Variants in DNASE1L1 observed in about 807,000 individuals in gnomAD.
The protein encoded by DNASE1L1 is deoxyribonuclease-1-like 1.
In DNASE1L1, 8 loss-of-function variants were observed where a neutral mutation model predicts 18.6. The ratio of observed to expected loss-of-function variants is 0.43; its 90% CI spans 0.25 to 0.78. The LOEUF is 0.78. DNASE1L1 is among the 30% of genes least tolerant of loss of function. The pLI is 0.23. For missense variants in DNASE1L1, 214 were observed against 258.2 expected, an observed-to-expected ratio of 0.83 and a Z score of 1.17; for synonymous variants, 114 against 114.2, an observed-to-expected ratio of 1.00 and a Z score of 0.01.
chrX:154,404,848 C>T lies in DNASE1L1; in HGVS notation c.291G>A (p.Glu97=). The part of the protein sequence containing the change: ...SPQLGRSTYM[E]TYVYFYRSHK... Reference sequence around the variant, plus strand: ...CTCACCGATAGAAGTACACATACGTCTCCATGTAGGTGCTGCGCCCCAGCT... The same window carrying T: ...CTCACCGATAGAAGTACACATACGTTTCCATGTAGGTGCTGCGCCCCAGCT... Residue 97 remains glutamate (E), a synonymous_variant, in exon 4 of 8, where the codon GAG becomes GAA. Coordinates refer to ENST00000369807, the MANE Select transcript of DNASE1L1 (RefSeq NM_001303620.2). 1 of 1,211,578 alleles carries T rather than the reference C, an allele frequency of 8.3e-7. No individual in the cohort carries two copies. Among genetic ancestry groups the T allele is most frequent in the Admixed American group, 2.2e-5 (1 of 46,056 alleles).
In DNASE1L1 at chrX:154,403,455, C is replaced by A. The variant is rs782443173; in HGVS notation, c.412+67G>T. On this transcript the variant is annotated intron_variant, in intron 5 of 7. Transcript: ENST00000369807. The stretch of plus-strand genomic sequence containing the variant: ...CCCCTAGCCCGTCTGGGTGAGGAAG[C>A]CCCCAGTGGAGCCAGCCAGAACTCC... The A allele has an allele frequency of 4.2e-6, 5 of 1,191,022 alleles. No individual in the cohort carries two copies. The Admixed American group carries it at 1.1e-4, about 26-fold the overall frequency.
chrX:154,411,701 A>T, upstream of DNASE1L1: 1 of 561,690 alleles, frequency 1.8e-6, no homozygotes. Context: ...ACCTCGGTCC[A>T]GTCCCCTGTT....
In DNASE1L1 at chrX:154,409,032, G is replaced by A. The variant is rs1015611078; in HGVS notation, c.-88+80C>T. The A allele has an allele frequency of 4.3e-5, 13 of 305,429 alleles. No individual in the cohort carries two copies. In the Admixed American group the frequency reaches 4.7e-4, roughly 11 times the overall value. 25.2% of individuals were successfully genotyped at this position (305,429 alleles called of 1,213,427 possible). A position where few individuals can be genotyped will look rare whatever the true frequency, so the allele number is the denominator to read the frequency against. ...ATATCAGCCTTGGTGGGAGCCCTAG[G>A]CTTCCCTCTCCCTCTCAAACCCTCC... On this transcript the variant is annotated intron_variant, in intron 1 of 7. Coordinates refer to ENST00000369807, the MANE Select transcript of DNASE1L1 (RefSeq NM_001303620.2).
rs1441086581 is a variant in DNASE1L1, at chrX:154,401,848, C to T, written c.*859G>A. On this transcript the variant is annotated 3_prime_UTR_variant, in exon 8 of 8. Transcript: ENST00000369807. ...TTACCTTGGGGTGATGGTTCCAAAC[C>T]ATAAATGTGATTATAGTTAACACAT... is the stretch of plus-strand genomic sequence containing the variant. 9.0e-6 allele frequency: 1 copy of T among 111,691 alleles called. No individual in the cohort carries two copies. Among genetic ancestry groups the T allele is most frequent in the Admixed American group, 9.5e-5 (1 of 10,523 alleles). The allele number at this position is 111,691 out of a possible 1,213,427, so 9.2% of individuals were successfully genotyped here.
At chrX:154,410,912 T>A (rs1557190090), upstream of DNASE1L1, among the ~76,000 whole-genome samples, 1 of 110,427 alleles carries the variant, frequency 9.1e-6, no homozygotes, top group Non-Finnish European at 1.9e-5. Flanking sequence ...AAAATAAAAA[T>A]AAAAAACTGG....
rs781924417 is a variant in DNASE1L1 at position 154,402,616 on chromosome X, T to G, written c.*91A>C. On this transcript the variant is annotated 3_prime_UTR_variant, in exon 8 of 8. Transcript: ENST00000369807. ...GACTACAGTCACAGGGCAACTATAG[T>G]TGAAGCCCCCCAGCCCCAGGGCTGG... is the stretch of plus-strand genomic sequence containing the variant. 9.7e-5 allele frequency: 92 copies of G among 949,028 alleles called. No homozygotes were observed. The highest frequency in any genetic ancestry group is 8.8e-5 in the Non-Finnish European group (62 of 701,782). The allele number at this position is 949,028 out of a possible 1,213,427, so 78.2% of individuals were successfully genotyped here.
At position 154,404,819 on chromosome X, in the gene DNASE1L1, C is replaced by T. The variant is rs782702616; in HGVS notation, c.311+9G>A. The stretch of plus-strand genomic sequence containing the variant: ...CCCCACCCTGCTGCGCTGCCAGCTC[C>T]GTGCTCACCGATAGAAGTACACATA... On this transcript the variant is annotated intron_variant, in intron 4 of 7. Coordinates refer to ENST00000369807, the MANE Select transcript of DNASE1L1 (RefSeq NM_001303620.2). 5 of 1,208,269 alleles carry T rather than the reference C, an allele frequency of 4.1e-6. No individual in the cohort carries two copies. In the African/African-American group the frequency reaches 5.2e-5, roughly 13 times the overall value.
intron 1 of DNASE1L1, among the ~76,000 whole-genome samples, chrX:154,407,563 C>A (rs1260614665): frequency 9.8e-6 from 1 of 101,888 alleles, no homozygotes; most frequent in Admixed American, 1.1e-4. Flanking sequence ...ATAGGCCTGA[C>A]CCACTGCGCC....
chrX:154,408,485 A>C (rs1232761142), intron 1 of DNASE1L1: 2 of 111,328 alleles, frequency 1.8e-5, no homozygotes, highest in Non-Finnish European at 3.8e-5. Context: ...CCCTGCCACC[A>C]CTGGGGAGCC....
Position 154,403,066 on chromosome X carries a change from G to A in DNASE1L1, c.650C>T (p.Thr217Ile), listed in dbSNP as rs200843535. 2.5e-6 allele frequency: 3 copies of A among 1,210,430 alleles called. No homozygotes were observed. In the African/African-American group the frequency reaches 5.2e-5, roughly 21 times the overall value. ...GGTGCAGTGGGTGCTGGCCCGCACT[G>A]TGGTGTCCTCCCCATCGGCAATCAC... ...HWVIADGEDT[T>I]VRASTHCTYD... Residue 217 changes from threonine (T) to isoleucine (I), a missense_variant, in exon 7 of 8, where the codon ACA (threonine) becomes ATA (isoleucine). Coordinates refer to ENST00000369807, the MANE Select transcript of DNASE1L1 (RefSeq NM_001303620.2).
intron 1 of DNASE1L1, 96 bp downstream of exon 1, chrX:154,409,016 T>C (rs1014114527): frequency 2.1e-5 from 6 of 291,383 alleles, no homozygotes; most frequent in South Asian, 1.6e-4. Context: ...AATATCAGCC[T>C]TGGTGGGAGC....
At chrX:154,411,808 G>C (rs782667788), upstream of DNASE1L1, 2 of 1,142,560 alleles carry the variant, frequency 1.8e-6, no homozygotes, top group African/African-American at 3.6e-5. Context: ...AGGCCGGCCC[G>C]GGGCGCTGGG....
intron 1 of DNASE1L1, 58 bp from the exon 2 acceptor site, chrX:154,405,713 G>T: frequency 1.9e-6 from 1 of 518,638 alleles, no homozygotes; most frequent in Non-Finnish European, 2.9e-6. Context: ...GCCTCCCAGT[G>T]ACCTCCCGAG....
At chrX:154,405,413 T>C (rs1557188175) in intron 2 of DNASE1L1, 21 bp downstream of exon 2, 1 of 1,172,582 alleles carries the variant, frequency 8.5e-7, no homozygotes, top group South Asian at 1.9e-5. Context: ...GGGCACGGCT[T>C]CCCTGAAGTG....
rs1240619242 is a variant in DNASE1L1, at chrX:154,405,621, C to T, written c.-53G>A. On this transcript the variant is annotated 5_prime_UTR_variant, in exon 2 of 8. Coordinates refer to ENST00000369807, the MANE Select transcript of DNASE1L1 (RefSeq NM_001303620.2). ...CAGGAATCCAGGCTGCCCCAGGGTGCGCTCTCACTGGGCTCAGTTCTGGCT... is the reference window on the plus strand; with the variant it reads ...CAGGAATCCAGGCTGCCCCAGGGTGTGCTCTCACTGGGCTCAGTTCTGGCT... The T allele has an allele frequency of 8.5e-5, 90 of 1,060,272 alleles. 1 individual carries two copies. Among genetic ancestry groups the T allele is most frequent in the Non-Finnish European group, 9.9e-5 (80 of 808,707 alleles). The allele number at this position is 1,060,272 out of a possible 1,213,427, so 87.4% of individuals were successfully genotyped here.
chrX:154,410,244 C>CA (rs1171040338), upstream of DNASE1L1, among the ~76,000 whole-genome samples: 19 of 101,584 alleles, frequency 1.9e-4, no homozygotes, highest in Admixed American at 3.2e-4. Flanking sequence ...GACTCCATCT[C>CA]AAAAAAAAAA....
At chrX:154,405,326 C>T (rs1361996753) in intron 2 of DNASE1L1, 108 bp downstream of exon 2, 3 of 1,104,838 alleles carry the variant, frequency 2.7e-6, no homozygotes, top group African/African-American at 1.8e-5. Context: ...CTCCGTGCCA[C>T]ACCTCTTCTT....
chrX:154,403,504 C>T lies in DNASE1L1; in HGVS notation c.412+18G>A. The T allele has an allele frequency of 8.3e-7, 1 of 1,207,528 alleles. No homozygotes were observed. The highest frequency in any genetic ancestry group is 1.8e-5 in the South Asian group (1 of 56,938). On this transcript the variant is annotated intron_variant, in intron 5 of 7. Transcript: ENST00000369807. The stretch of plus-strand genomic sequence containing the variant: ...CCCCTTCTGCTCCCACATACCAAGC[C>T]CACCCTTCCCTTCCTACCATTGCTG...
chrX:154,411,442 C>G, upstream of DNASE1L1: 1 of 204,897 alleles, frequency 4.9e-6, no homozygotes, highest in Non-Finnish European at 9.1e-6. Flanking sequence ...CACGGGGTGA[C>G]GGCCACTTCC....
Sources: gnomAD v4.1 joint callset for allele counts (sites outside exome capture counted in the v4.1 genomes callset) on GRCh38, gnomAD v4.1.1 for gene constraint, MANE v1.5 for transcripts, NCBI Gene and HGNC (gene_info 2026-07-23, HGNC 2026-07-21) for gene names.